Variants in ZNF385D observed in about 807,000 individuals in gnomAD.
ZNF385D encodes the protein zinc finger protein 659.
In ZNF385D, 15 loss-of-function variants were observed where a neutral mutation model predicts 35.8. That is an observed-to-expected ratio of 0.42 (90% CI 0.28 to 0.64). The LOEUF (loss-of-function observed/expected upper bound fraction) is 0.64. Among genes scored for constraint, ZNF385D ranks in the 30% least tolerant of loss-of-function variants. The pLI is 0.23. For missense variants in ZNF385D, 474 were observed against 494.6 expected, an observed-to-expected ratio of 0.96 and a Z score of 0.39; for synonymous variants, 212 against 186.8, an observed-to-expected ratio of 1.13 and a Z score of -1.10.
At chr3:22,056,930 C>T (rs1349945015) in intron 3 of ZNF385D, among the ~76,000 whole-genome samples, 3 of 152,216 alleles carry the variant, frequency 2.0e-5, no homozygotes, top group Non-Finnish European at 2.9e-5. Context: ...TCTCTAATCA[C>T]ATCATTTTCA....
intron 3 of ZNF385D, among the ~76,000 whole-genome samples, chr3:22,010,538 A>G (rs966356257): frequency 1.3e-5 from 2 of 152,216 alleles, no homozygotes; most frequent in Admixed American, 6.5e-5. Flanking sequence ...TTTTCAGTCT[A>G]GAGACTGCAA....
intron 2 of ZNF385D, among the ~76,000 whole-genome samples, chr3:22,169,389 A>C (rs1031272301): frequency 1.3e-5 from 2 of 152,252 alleles, no homozygotes; most frequent in African/African-American, 4.8e-5. Context: ...ACAGCTAACA[A>C]GTGGTATAGC....
At chr3:21,766,200 T>G (rs1339509040) in intron 3 of ZNF385D, among the ~76,000 whole-genome samples, 5 of 152,108 alleles carry the variant, frequency 3.3e-5, no homozygotes, top group Admixed American at 2.6e-4. Context: ...ATGAGAGACC[T>G]GTTTTCTTTT....
chr3:22,017,001 G>T (rs891471008), intron 3 of ZNF385D, among the ~76,000 whole-genome samples: 2 of 151,438 alleles, frequency 1.3e-5, no homozygotes, highest in African/African-American at 4.9e-5. Context: ...TGGCTTAATT[G>T]GAATAATAGT....
intron 3 of ZNF385D, among the ~76,000 whole-genome samples, chr3:21,838,348 T>A (rs1695455011): frequency 6.6e-6 from 1 of 152,054 alleles, no homozygotes; most frequent in African/African-American, 2.4e-5. Context: ...TTATGTATGG[T>A]ATATATGCTA....
intron 3 of ZNF385D, among the ~76,000 whole-genome samples, chr3:21,928,257 A>AG (rs1274282077): frequency 1.4e-5 from 2 of 140,372 alleles, no homozygotes; most frequent in Non-Finnish European, 3.1e-5. Flanking sequence ...AAAGGAAGGA[A>AG]GAAGGAAGGA....
intron 3 of ZNF385D, among the ~76,000 whole-genome samples, chr3:22,030,936 G>C (rs1205818927): frequency 1.3e-5 from 2 of 152,196 alleles, no homozygotes; most frequent in Non-Finnish European, 2.9e-5. Flanking sequence ...GAAAGAGATT[G>C]GTCAAAACAA....
chr3:21,600,522 T>C (rs2125759706), intron 2 of ZNF385D, among the ~76,000 whole-genome samples: 1 of 152,304 alleles, frequency 6.6e-6, no homozygotes, highest in Non-Finnish European at 1.5e-5. Context: ...AAAAAACAGC[T>C]TTTAGCCTTA....
rs139884999 is a variant in ZNF385D at position 21,905,504 on chromosome 3, G to A, written c.326-240476C>T. ...ACTTAAGAAGGGCTGATAGAAAAAT[G>A]GGTTTGACCCAAGAAGCTAAACTCT... On this transcript the variant is annotated intron_variant, in intron 3 of 5. Transcript: ENST00000494108. Among the ~76,000 whole-genome samples the A allele has an allele frequency of 3.3e-3, 487 of 147,464 alleles. 10 individuals are homozygous for A. The highest frequency in any genetic ancestry group is 0.012 in the African/African-American group (462 of 37,156).
chr3:22,180,442 A>G (rs1315605912), intron 2 of ZNF385D, among the ~76,000 whole-genome samples: 1 of 152,222 alleles, frequency 6.6e-6, no homozygotes, highest in Non-Finnish European at 1.5e-5. Flanking sequence ...TTATGAGGCC[A>G]GCATCATCCT....
chr3:22,128,206 A>G lies in ZNF385D; in HGVS notation c.325+40611T>C, dbSNP rs975517530. On this transcript the variant is annotated intron_variant, in intron 3 of 5. Transcript: ENST00000494108. ...ATCAGCACTTTAAGTATATCATGCC[A>G]CTCCCTCCTAACCTGTAAGGTTTGC... Among the ~76,000 whole-genome samples the G allele has an allele frequency of 3.9e-5, 6 of 152,196 alleles. No homozygotes were observed. The South Asian group carries it at 1.0e-3, about 26-fold the overall frequency.
chr3:22,154,788 T>C (rs1705482649), intron 3 of ZNF385D, among the ~76,000 whole-genome samples: 1 of 152,210 alleles, frequency 6.6e-6, no homozygotes, highest in Non-Finnish European at 1.5e-5. Context: ...AATGCAGGAA[T>C]ACTTCAGATA....
At chr3:21,990,039 A>T (rs1695062963) in intron 3 of ZNF385D, among the ~76,000 whole-genome samples, 1 of 152,224 alleles carries the variant, frequency 6.6e-6, no homozygotes, top group African/African-American at 2.4e-5. Flanking sequence ...AATAATTTTT[A>T]AAAGGTACAT....
At chr3:22,359,252 T>C (rs1285202953) in intron 2 of ZNF385D, among the ~76,000 whole-genome samples, 1 of 151,836 alleles carries the variant, frequency 6.6e-6, no homozygotes, top group Admixed American at 6.6e-5. Context: ...TCGATTAACT[T>C]AAAATATACA....
intron 5 of ZNF385D, among the ~76,000 whole-genome samples, chr3:21,432,114 C>T (rs1701318942): frequency 1.3e-5 from 2 of 152,204 alleles, no homozygotes; most frequent in East Asian, 3.9e-4. Flanking sequence ...GATTTTGCCT[C>T]CATTAGCTGT....
At chr3:21,826,583 C>T (rs1329876665) in intron 3 of ZNF385D, among the ~76,000 whole-genome samples, 1 of 152,174 alleles carries the variant, frequency 6.6e-6, no homozygotes, top group Admixed American at 6.5e-5. Flanking sequence ...GTAACTTTTG[C>T]CACCGTTCAC....
At chr3:21,901,974 A>G (rs17641853) in intron 3 of ZNF385D, among the ~76,000 whole-genome samples, 18,048 of 152,170 alleles carry the variant, frequency 0.12, 1,163 homozygotes, top group South Asian at 0.15. Flanking sequence ...CAGGATGGTC[A>G]CAGTCTCTCT....
intron 3 of ZNF385D, among the ~76,000 whole-genome samples, chr3:22,001,853 A>AT (rs1695864238): frequency 6.6e-6 from 1 of 152,108 alleles, no homozygotes. Flanking sequence ...TGACTACTGT[A>AT]TCAAAAAAGA....
intron 3 of ZNF385D, among the ~76,000 whole-genome samples, chr3:21,873,609 G>C (rs139832309): frequency 2.6e-5 from 4 of 152,048 alleles, no homozygotes; most frequent in African/African-American, 9.7e-5. Flanking sequence ...GACTGAAATT[G>C]TATACCTATT....
Sources: allele counts gnomAD v4.1 joint callset (sites outside exome capture counted in the v4.1 genomes callset), GRCh38; gene constraint gnomAD v4.1.1; transcripts MANE v1.5; gene names NCBI Gene and HGNC (gene_info 2026-07-23, HGNC 2026-07-21).